Variants in ATP9A observed in about 807,000 individuals in gnomAD.
ATP9A encodes ATPase phospholipid transporting 9A, also known as probable phospholipid-transporting ATPase IIA.
A neutral mutation model predicts 144.1 loss-of-function variants in ATP9A; 52 were observed. The ratio of observed to expected loss-of-function variants is 0.36; its 90% CI spans 0.29 to 0.45. The LOEUF is 0.45. ATP9A is among the 20% of genes least tolerant of loss of function. ATP9A has a pLI of 1.00. For synonymous variants in ATP9A, 582 were observed against 557.4 expected, an observed-to-expected ratio of 1.04 and a Z score of -0.62; for missense variants, 947 against 1,392.7, an observed-to-expected ratio of 0.68 and a Z score of 5.09.
rs2077709746 is a variant in ATP9A at position 51,725,805 on chromosome 20, G to A, written c.327+14C>T. ...CCTCTAAGGTTACTGAACAAACAAT[G>A]CCGATTAACTTACCAGGGGAACCCA... On this transcript the variant is annotated intron_variant, in intron 3 of 27. Transcript: ENST00000338821. 2 of 1,517,392 alleles carry A rather than the reference G, an allele frequency of 1.3e-6. No individual in the cohort carries two copies. Among genetic ancestry groups the A allele is most frequent in the Non-Finnish European group, 1.8e-6 (2 of 1,092,252 alleles). The allele number at this position is 1,517,392 out of a possible 1,614,324, so 94.0% of individuals were successfully genotyped here.
intron 3 of ATP9A, among the ~76,000 whole-genome samples, chr20:51,716,053 C>G (rs1026371356): frequency 7.2e-5 from 11 of 152,002 alleles, no homozygotes; most frequent in African/African-American, 2.7e-4. Context: ...TAGGAACAGG[C>G]ACTGGGGAAC....
At chr20:51,759,810 A>G (rs2077871499) in intron 1 of ATP9A, among the ~76,000 whole-genome samples, 1 of 152,170 alleles carries the variant, frequency 6.6e-6, no homozygotes, top group African/African-American at 2.4e-5. Flanking sequence ...ACTATATACA[A>G]TTGATCCTCA....
At position 51,642,726 on chromosome 20, in the gene ATP9A, C is replaced by CAAAAAAAAAAA. The variant is rs778440862; in HGVS notation, c.1507-3233_1507-3223dup. Among the ~76,000 whole-genome samples, 27 of 31,140 alleles carry CAAAAAAAAAAA rather than the reference C, an allele frequency of 8.7e-4. 1 individual carries two copies. Among genetic ancestry groups the CAAAAAAAAAAA allele is most frequent in the African/African-American group, 1.4e-3 (16 of 11,184 alleles). The allele number at this position is 31,140 out of a possible 152,430, so 20.4% of individuals were successfully genotyped here. On this transcript the variant is annotated intron_variant, in intron 14 of 27. Coordinates refer to ENST00000338821, the MANE Select transcript of ATP9A (RefSeq NM_006045.3). ...GGGTGACTGAGTGAGACTCTGTCTC[C>CAAAAAAAAAAA]AAAAAAAAAAAAAAAAAAAAAAAAA...
chr20:51,736,750 T>A (rs2077764664), intron 1 of ATP9A, among the ~76,000 whole-genome samples: 2 of 152,106 alleles, frequency 1.3e-5, no homozygotes, highest in Admixed American at 1.3e-4. Context: ...ATATGAGTTA[T>A]GTCTCAATGA....
intron 4 of ATP9A, among the ~76,000 whole-genome samples, chr20:51,710,676 G>A (rs879676930): frequency 3.3e-5 from 5 of 152,116 alleles, no homozygotes; most frequent in African/African-American, 1.2e-4. Context: ...GAGTGGGATT[G>A]GCATAACAAT....
intron 1 of ATP9A, among the ~76,000 whole-genome samples, chr20:51,765,642 C>CAA (rs1164927794): frequency 1.0e-4 from 11 of 110,550 alleles, no homozygotes; most frequent in African/African-American, 1.8e-4. Flanking sequence ...AGCTACATCT[C>CAA]AAAAAAAAAA....
intron 14 of ATP9A, among the ~76,000 whole-genome samples, chr20:51,647,661 C>T (rs2077347383): frequency 6.6e-6 from 1 of 151,866 alleles, no homozygotes; most frequent in African/African-American, 2.4e-5. Context: ...ACCCAGGAGG[C>T]GGAGGTTGCA....
intron 2 of ATP9A, among the ~76,000 whole-genome samples, chr20:51,727,669 C>G (rs756497054): frequency 9.2e-5 from 14 of 151,918 alleles, no homozygotes; most frequent in Admixed American, 4.6e-4. Context: ...CAGTGGCTCA[C>G]GCCTGTAATC....
chr20:51,734,151 G>C (rs116535899), intron 1 of ATP9A, among the ~76,000 whole-genome samples: 1 of 141,768 alleles, frequency 7.1e-6, no homozygotes, highest in African/African-American at 2.6e-5. Flanking sequence ...GCTAATTTTT[G>C]TAATTTTTTT....
chr20:51,666,042 C>A (rs2077431536), intron 13 of ATP9A, among the ~76,000 whole-genome samples: 1 of 152,180 alleles, frequency 6.6e-6, no homozygotes, highest in Admixed American at 6.5e-5. Context: ...AGGACCGGAC[C>A]TGACAAGTAC....
chr20:51,743,821 A>T (rs1408942980), intron 1 of ATP9A, among the ~76,000 whole-genome samples: 1 of 150,806 alleles, frequency 6.6e-6, no homozygotes, highest in Non-Finnish European at 1.5e-5. Flanking sequence ...ATCCTGGCCA[A>T]CATGGTGAAA....
At chr20:51,629,391 CT>C (rs1322643489) in intron 15 of ATP9A, among the ~76,000 whole-genome samples, 1 of 152,202 alleles carries the variant, frequency 6.6e-6, no homozygotes, top group African/African-American at 2.4e-5. Flanking sequence ...ACACTTGGGA[CT>C]GCAGATATCA....
chr20:51,733,577 G>A (rs1365910708), intron 1 of ATP9A, among the ~76,000 whole-genome samples: 3 of 151,920 alleles, frequency 2.0e-5, no homozygotes, highest in Non-Finnish European at 4.4e-5. Context: ...GTTTCACCAT[G>A]TTGGTCAGAC....
Position 51,761,751 on chromosome 20 carries a change from C to T in ATP9A, c.68+6551G>A, listed in dbSNP as rs2077881790. Reference sequence around the variant, plus strand: ...CTCCAGCCTGGGCGACAGAGCGAGACTCCGCCTCAAAAAAAAAAAAAAATT... The same window carrying T: ...CTCCAGCCTGGGCGACAGAGCGAGATTCCGCCTCAAAAAAAAAAAAAAATT... On this transcript the variant is annotated intron_variant, in intron 1 of 27. Coordinates refer to ENST00000338821, the MANE Select transcript of ATP9A (RefSeq NM_006045.3). 2.0e-5 allele frequency among the ~76,000 whole-genome samples: 3 copies of T among 150,746 alleles called. No individual in the cohort carries two copies. The South Asian group carries it at 6.3e-4, about 32-fold the overall frequency.
chr20:51,723,168 T>C (rs537840122), intron 3 of ATP9A, among the ~76,000 whole-genome samples: 1 of 152,252 alleles, frequency 6.6e-6, no homozygotes, highest in East Asian at 1.9e-4. Flanking sequence ...CCAAACATCA[T>C]ATGTTTTCAC....
intron 4 of ATP9A, among the ~76,000 whole-genome samples, chr20:51,702,818 G>A (rs1333045125): frequency 6.6e-6 from 1 of 152,146 alleles, no homozygotes; most frequent in Non-Finnish European, 1.5e-5. Context: ...CCTAACAGAA[G>A]GGTTCTTGTC....
At position 51,743,695 on chromosome 20, in the gene ATP9A, G is replaced by A. The variant is rs543331028; in HGVS notation, c.69-13717C>T. 1.2e-4 allele frequency among the ~76,000 whole-genome samples: 16 copies of A among 137,198 alleles called. 1 individual carries two copies. The highest frequency in any genetic ancestry group is 3.4e-4 in the African/African-American group (13 of 37,856). The allele number at this position is 137,198 out of a possible 152,430, so 90.0% of individuals were successfully genotyped here. On this transcript the variant is annotated intron_variant, in intron 1 of 27. Transcript: ENST00000338821. The stretch of plus-strand genomic sequence containing the variant: ...TGGGATTATAGGCATGAGCCACCGT[G>A]CCCAGCCCAAATCCTTTAAGAGTAA...
In ATP9A at chr20:51,601,256, C is replaced by G; in HGVS notation, c.3099G>C (p.Leu1033=). 6.2e-7 allele frequency: 1 copy of G among 1,613,780 alleles called. No individual in the cohort carries two copies. Among genetic ancestry groups the G allele is most frequent in the Non-Finnish European group, 8.5e-7 (1 of 1,179,856 alleles). Residue 1033 remains leucine, a synonymous_variant, in exon 28 of 28, where the codon CTG becomes CTC. Transcript: ENST00000338821. ...AGCTGGGGGGAGAGAACCGTCTTCG[C>G]AGGTACTTGAGGACATAGAGGGGGA... ...SCLPLYVLKY[L]RRRFSPPSYS... is the part of the protein sequence containing the mutation.
intron 14 of ATP9A, among the ~76,000 whole-genome samples, chr20:51,656,205 T>C (rs1385090801): frequency 2.2e-5 from 3 of 134,568 alleles, no homozygotes; most frequent in Middle Eastern, 3.7e-3. Context: ...CTAATTTGAT[T>C]GTGATGATGG....
Sources: gnomAD v4.1 joint callset for allele counts (sites outside exome capture counted in the v4.1 genomes callset) on GRCh38, gnomAD v4.1.1 for gene constraint, MANE v1.5 for transcripts, NCBI Gene and HGNC (gene_info 2026-07-23, HGNC 2026-07-21) for gene names.